The following CCSER1 variants were observed in gnomAD, a reference collection of about 807,000 sequenced individuals.
CCSER1 encodes the protein serine-rich coiled-coil domain-containing protein 1.
Under a neutral mutation model 82.0 loss-of-function variants are expected in CCSER1, and 41 were observed. The observed-to-expected ratio is 0.50, with a 90% CI of 0.39 to 0.65. CCSER1 has a LOEUF of 0.65. CCSER1 is among the 30% of genes least tolerant of loss of function. The pLI, the probability that CCSER1 is intolerant of heterozygous loss-of-function variation, is 0.00. For missense variants in CCSER1, 1,119 were observed against 1,064.2 expected, an observed-to-expected ratio of 1.05 and a Z score of -0.72; for synonymous variants, 414 against 383.9, an observed-to-expected ratio of 1.08 and a Z score of -0.92.
intron 5 of CCSER1, among the ~76,000 whole-genome samples, chr4:90,567,677 C>T (rs1183180253): frequency 1.3e-5 from 2 of 149,262 alleles, no homozygotes; most frequent in Admixed American, 1.3e-4. Flanking sequence ...ATGATCACAG[C>T]TCACTGCAGC....
chr4:90,773,450 G>A (rs1752496419), intron 7 of CCSER1, among the ~76,000 whole-genome samples: 1 of 152,182 alleles, frequency 6.6e-6, no homozygotes, highest in South Asian at 2.1e-4. Context: ...AATGCTTGAT[G>A]GGGTTTGGAA....
intron 1 of CCSER1, among the ~76,000 whole-genome samples, chr4:90,303,524 A>G (rs1235596707): frequency 6.6e-6 from 1 of 152,108 alleles, no homozygotes; most frequent in Non-Finnish European, 1.5e-5. Context: ...GATCTTTGAC[A>G]AATCTGAGAA....
intron 3 of CCSER1, among the ~76,000 whole-genome samples, chr4:90,376,614 C>CATAATCATTTCTACAAT (rs1190959210): frequency 6.6e-6 from 1 of 152,132 alleles, no homozygotes; most frequent in Non-Finnish European, 1.5e-5. Flanking sequence ...ATCATTTCTA[C>CATAATCATTTCTACAAT]AAGTCAGTCT....
At chr4:90,550,315 T>C (rs1220846255) in intron 5 of CCSER1, among the ~76,000 whole-genome samples, 1 of 152,204 alleles carries the variant, frequency 6.6e-6, no homozygotes, top group Non-Finnish European at 1.5e-5. Flanking sequence ...TTATTGAACA[T>C]GGAAATTCTC....
intron 1 of CCSER1, among the ~76,000 whole-genome samples, chr4:90,168,879 C>T (rs916316630): frequency 8.7e-5 from 13 of 149,624 alleles, no homozygotes; most frequent in African/African-American, 3.2e-4. Context: ...GTTACTGTAG[C>T]CTTGTAGTAT....
intron 5 of CCSER1, among the ~76,000 whole-genome samples, chr4:90,563,938 C>CCAA (rs1444109427): frequency 6.6e-6 from 1 of 152,128 alleles, no homozygotes; most frequent in Non-Finnish European, 1.5e-5. Context: ...TACATCTTTA[C>CCAA]CAACTCCTTT....
intron 6 of CCSER1, chr4:90,642,130 C>T (rs115690151): frequency 0.017 from 2,861 of 163,774 alleles, 97 homozygotes; most frequent in African/African-American, 0.065. Context: ...TGGAAAAAGA[C>T]AGTGAGCAGA....
chr4:91,504,253 G>C (rs1364260770), intron 10 of CCSER1, among the ~76,000 whole-genome samples: 1 of 152,150 alleles, frequency 6.6e-6, no homozygotes, highest in Non-Finnish European at 1.5e-5. Context: ...CAAAAGAATT[G>C]TTGTATCTAA....
chr4:91,098,272 A>G (rs1042402871), intron 10 of CCSER1, among the ~76,000 whole-genome samples: 2 of 152,230 alleles, frequency 1.3e-5, no homozygotes, highest in Non-Finnish European at 2.9e-5. Context: ...GGAATTAAAT[A>G]TTTCTACTTG....
chr4:91,428,284 T>C (rs947161923), intron 10 of CCSER1, among the ~76,000 whole-genome samples: 1 of 152,062 alleles, frequency 6.6e-6, no homozygotes, highest in African/African-American at 2.4e-5. Context: ...TAAAATATAA[T>C]TGTACACATT....
chr4:90,415,611 G>A (rs1428567516), intron 4 of CCSER1, among the ~76,000 whole-genome samples: 6 of 152,142 alleles, frequency 3.9e-5, no homozygotes, highest in South Asian at 2.1e-4. Flanking sequence ...TTTTGCAAAT[G>A]GCTGTTATCA....
intron 9 of CCSER1, among the ~76,000 whole-genome samples, chr4:90,933,494 T>A (rs572601892): frequency 2.0e-5 from 3 of 148,980 alleles, no homozygotes; most frequent in African/African-American, 7.4e-5. Context: ...GATGAAGTGT[T>A]TTTTTTTTTT....
rs535422824 is a variant in CCSER1 at position 90,397,605 on chromosome 4, C to T, written c.1510-2431C>T. ...ATTAAATCCATAGCCCCTGTGATGA[C>T]AGTGTTTTGCATCTTGCAGTATGTA... On this transcript the variant is annotated intron_variant, in intron 3 of 10. Coordinates refer to ENST00000509176, the MANE Select transcript of CCSER1 (RefSeq NM_001145065.2). 4.6e-5 allele frequency among the ~76,000 whole-genome samples: 7 copies of T among 152,270 alleles called. No homozygotes were observed. In the South Asian group the frequency reaches 1.4e-3, roughly 32 times the overall value.
At chr4:91,040,067 G>A (rs1006241567) in intron 9 of CCSER1, among the ~76,000 whole-genome samples, 1 of 151,986 alleles carries the variant, frequency 6.6e-6, no homozygotes. Context: ...AAGCAATAAG[G>A]GAGTAATACA....
intron 8 of CCSER1, among the ~76,000 whole-genome samples, chr4:90,893,774 T>C (rs906000577): frequency 7.1e-4 from 92 of 128,946 alleles, no homozygotes; most frequent in Non-Finnish European, 4.4e-4. Context: ...TGTGTGTGTG[T>C]GCGTGTGTGT....
At chr4:90,935,685 A>G (rs899950463) in intron 9 of CCSER1, among the ~76,000 whole-genome samples, 16 of 152,176 alleles carry the variant, frequency 1.1e-4, no homozygotes, top group Non-Finnish European at 1.8e-4. Context: ...GGCCAGGACT[A>G]AATTGGGTTG....
intron 9 of CCSER1, among the ~76,000 whole-genome samples, chr4:90,944,658 A>G (rs138377877): frequency 3.3e-5 from 5 of 152,300 alleles, no homozygotes; most frequent in Admixed American, 2.0e-4. Context: ...TGCCATGCTC[A>G]TAAATCCATA....
intron 10 of CCSER1, among the ~76,000 whole-genome samples, chr4:91,367,148 AAAG>A (rs1749672900): frequency 6.8e-6 from 1 of 147,408 alleles, no homozygotes; most frequent in African/African-American, 2.6e-5. Context: ...AAAAAAAAAA[AAAG>A]AGAAAAAAAT....
chr4:90,136,983 C>G (rs1723811786), intron 1 of CCSER1, among the ~76,000 whole-genome samples: 1 of 152,108 alleles, frequency 6.6e-6, no homozygotes, highest in Non-Finnish European at 1.5e-5. Context: ...GGTAACAAAA[C>G]CCCACTGAGT....
Sources: allele counts gnomAD v4.1 joint callset (sites outside exome capture counted in the v4.1 genomes callset), GRCh38; gene constraint gnomAD v4.1.1; transcripts MANE v1.5; gene names NCBI Gene and HGNC (gene_info 2026-07-23, HGNC 2026-07-21).